Variants in PPIG observed in about 807,000 individuals in gnomAD.
The protein encoded by PPIG is peptidyl-prolyl cis-trans isomerase G.
PPIG carries 26 observed loss-of-function variants against 87.9 expected under a neutral mutation model. The ratio of observed to expected loss-of-function variants is 0.30; its 90% confidence interval spans 0.22 to 0.41. The LOEUF is 0.41. Among genes scored for constraint, PPIG ranks in the 10% least tolerant of loss-of-function variants. The pLI is 1.00. For missense variants in PPIG, 722 were observed against 879.4 expected, an observed-to-expected ratio of 0.82 and a Z score of 2.26; for synonymous variants, 308 against 276.5, an observed-to-expected ratio of 1.11 and a Z score of -1.13.
chr2:169,615,741 TA>T (rs1266924996), intron 9 of PPIG, among the ~76,000 whole-genome samples: 3 of 152,200 alleles, frequency 2.0e-5, no homozygotes, highest in Non-Finnish European at 4.4e-5. Flanking sequence ...CTATTGTGAA[TA>T]ATGCAGCAGT....
intron 1 of PPIG, among the ~76,000 whole-genome samples, chr2:169,603,141 T>C (rs111835921): frequency 0.034 from 5,218 of 152,270 alleles, 320 homozygotes; most frequent in African/African-American, 0.12. Context: ...AAATTTTTAT[T>C]GAAATATAAC....
intron 9 of PPIG, among the ~76,000 whole-genome samples, chr2:169,626,186 A>G (rs1471683203): frequency 6.6e-6 from 1 of 152,170 alleles, no homozygotes; most frequent in African/African-American, 2.4e-5. Context: ...ATATTTTAAA[A>G]TTTAGGTTAA....
In PPIG at chr2:169,606,096, T is replaced by G; in HGVS notation, c.194T>G (p.Phe65Cys). ...QKPLHYKSCL[F>C]HRVVKDFMVQ... ...CCATTACATTATAAGAGTTGTCTCT[T>G]TCACAGAGTTGTCAAGGATTTTATG... is the stretch of plus-strand genomic sequence containing the variant. The change falls in exon 5 of 14, where the codon TTT becomes TGT. Residue 65 changes from phenylalanine to cysteine, a missense_variant. By Grantham distance (205) the Phe-to-Cys change is radical (BLOSUM62 -2). Coordinates refer to ENST00000260970, the MANE Select transcript of PPIG (RefSeq NM_004792.3). 6.2e-7 allele frequency: 1 copy of G among 1,613,572 alleles called. No individual in the cohort carries two copies. Among genetic ancestry groups the G allele is most frequent in the Non-Finnish European group, 8.5e-7 (1 of 1,179,554 alleles).
At position 169,633,258 on chromosome 2, in the gene PPIG, C is replaced by T. The variant is rs763602668; in HGVS notation, c.1017+11C>T. 6 of 1,540,300 alleles carry T rather than the reference C, an allele frequency of 3.9e-6. No individual in the cohort carries two copies. Among genetic ancestry groups the T allele is most frequent in the Non-Finnish European group, 5.4e-6 (6 of 1,114,998 alleles). ...GGAAGAGGACCAAGGGTAGGTGATT[C>T]TTTCCCCAGAGATCTTCACAATATT... On this transcript the variant is annotated intron_variant, in intron 12 of 13. Coordinates refer to ENST00000260970, the MANE Select transcript of PPIG (RefSeq NM_004792.3).
At chr2:169,625,408 A>G (rs1028286237) in intron 9 of PPIG, among the ~76,000 whole-genome samples, 3 of 152,174 alleles carry the variant, frequency 2.0e-5, no homozygotes, top group African/African-American at 7.2e-5. Flanking sequence ...GAGGTCATGC[A>G]TTTGTAATTT....
chr2:169,595,344 A>G (rs752652549), intron 1 of PPIG, among the ~76,000 whole-genome samples: 3 of 152,356 alleles, frequency 2.0e-5, no homozygotes, highest in Admixed American at 6.5e-5. Context: ...CAGGCATGCA[A>G]TGCATAATGA....
chr2:169,598,589 C>T (rs1190952553), intron 1 of PPIG, among the ~76,000 whole-genome samples: 1 of 152,096 alleles, frequency 6.6e-6, no homozygotes, highest in East Asian at 1.9e-4. Flanking sequence ...CCGCGCCTGG[C>T]TTATTTTCTT....
At chr2:169,608,833 A>G (rs1574448810) in intron 7 of PPIG, 75 bp downstream of exon 7, 2 of 1,046,908 alleles carry the variant, frequency 1.9e-6, no homozygotes, top group Non-Finnish European at 2.9e-6. Flanking sequence ...CTGTAATCCC[A>G]GGACTTTGGG....
At chr2:169,613,353 A>G (rs1685539403) in intron 7 of PPIG, among the ~76,000 whole-genome samples, 1 of 152,202 alleles carries the variant, frequency 6.6e-6, no homozygotes, top group African/African-American at 2.4e-5. Context: ...GGTATTGTAC[A>G]TGCTTTCACC....
chr2:169,585,054 T>C (rs910582318), intron 1 of PPIG, among the ~76,000 whole-genome samples: 25 of 152,130 alleles, frequency 1.6e-4, no homozygotes, highest in Admixed American at 1.3e-3. Context: ...GCACAGTGGC[T>C]GTCGTGCAGT....
chr2:169,631,664 T>G (rs1686055140), intron 10 of PPIG, 102 bp from the exon 11 acceptor site: 5 of 1,561,324 alleles, frequency 3.2e-6, no homozygotes, highest in Non-Finnish European at 4.3e-6. Flanking sequence ...ACAGGATGTT[T>G]ATATTATAGT....
chr2:169,608,549 C>A, intron 6 of PPIG, 122 bp from the exon 7 acceptor site: 1 of 533,394 alleles, frequency 1.9e-6, no homozygotes, highest in Non-Finnish European at 3.4e-6. Flanking sequence ...CATAACCTAA[C>A]TTTATTATCT....
At chr2:169,630,698 C>G in intron 9 of PPIG, 76 bp from the exon 10 acceptor site, 1 of 1,248,654 alleles carries the variant, frequency 8.0e-7, no homozygotes, top group Non-Finnish European at 1.2e-6. Context: ...TAGTGAGAAT[C>G]TGCAGAAAAT....
chr2:169,604,868 C>G (rs985286362), intron 4 of PPIG, among the ~76,000 whole-genome samples: 6 of 150,106 alleles, frequency 4.0e-5, no homozygotes, highest in Admixed American at 4.0e-4. Context: ...GAGCGAGACT[C>G]CATCTAAAAA....
chr2:169,633,948 T>A (rs567605858), intron 12 of PPIG, among the ~76,000 whole-genome samples: 9 of 149,858 alleles, frequency 6.0e-5, no homozygotes, highest in Non-Finnish European at 7.4e-5. Flanking sequence ...CTGCCTCAGC[T>A]CCCCCTAGTA....
At chr2:169,632,182 G>A (rs544892803) in intron 11 of PPIG, among the ~76,000 whole-genome samples, 1 of 152,200 alleles carries the variant, frequency 6.6e-6, no homozygotes, top group South Asian at 2.1e-4. Context: ...GAGATGTTAA[G>A]CAGCATTCCA....
At chr2:169,592,308 T>C (rs1473882976) in intron 1 of PPIG, among the ~76,000 whole-genome samples, 3 of 135,168 alleles carry the variant, frequency 2.2e-5, no homozygotes, top group East Asian at 2.1e-4. Flanking sequence ...TTTTTCTTTT[T>C]TTTTTTTTTT....
At chr2:169,597,825 A>G (rs987823673) in intron 1 of PPIG, among the ~76,000 whole-genome samples, 2 of 151,852 alleles carry the variant, frequency 1.3e-5, no homozygotes, top group Non-Finnish European at 2.9e-5. Flanking sequence ...ATATACAAAG[A>G]CAGTATATCC....
At chr2:169,593,341 C>T (rs1684920272) in intron 1 of PPIG, among the ~76,000 whole-genome samples, 1 of 152,002 alleles carries the variant, frequency 6.6e-6, no homozygotes, top group South Asian at 2.1e-4. Flanking sequence ...ATTACAGACA[C>T]CCACCACCAT....
Sources: gnomAD v4.1 joint callset for allele counts (sites outside exome capture counted in the v4.1 genomes callset) on GRCh38, gnomAD v4.1.1 for gene constraint, MANE v1.5 for transcripts, NCBI Gene and HGNC (gene_info 2026-07-23, HGNC 2026-07-21) for gene names.